Variants in DIAPH3 observed in about 807,000 individuals in gnomAD.
DIAPH3 encodes the protein protein diaphanous homolog 3.
DIAPH3 carries 117 observed loss-of-function variants against 144.3 expected under a neutral mutation model. That is an observed-to-expected ratio of 0.81 (90% CI 0.70 to 0.95). The LOEUF is 0.95. Ranked by LOEUF, DIAPH3 falls within the 40% of genes least tolerant of loss-of-function variation. The pLI is 0.00. For synonymous variants in DIAPH3, 519 were observed against 488.9 expected, an observed-to-expected ratio of 1.06 and a Z score of -0.81; for missense variants, 1,421 against 1,412.7, an observed-to-expected ratio of 1.01 and a Z score of -0.09.
intron 25 of DIAPH3, among the ~76,000 whole-genome samples, chr13:59,800,014 A>G (rs985061419): frequency 1.3e-5 from 1 of 75,534 alleles, no homozygotes; most frequent in African/African-American, 4.1e-5. Context: ...TACTTCAAAA[A>G]GACTTCTTTT....
At chr13:60,043,501 C>T (rs1159603882) in intron 4 of DIAPH3, among the ~76,000 whole-genome samples, 1 of 152,100 alleles carries the variant, frequency 6.6e-6, no homozygotes, top group Non-Finnish European at 1.5e-5. Context: ...CAAAACATAA[C>T]ACACACGTAC....
chr13:59,901,131 T>C (rs2046404122), intron 20 of DIAPH3, among the ~76,000 whole-genome samples: 1 of 152,226 alleles, frequency 6.6e-6, no homozygotes, highest in African/African-American at 2.4e-5. Context: ...CACCCTACTA[T>C]CTGTTTCTCC....
intron 17 of DIAPH3, among the ~76,000 whole-genome samples, chr13:59,948,763 G>A (rs1355503624): frequency 6.6e-6 from 1 of 151,816 alleles, no homozygotes; most frequent in Non-Finnish European, 1.5e-5. Context: ...ACCAGCCCAT[G>A]CTTTAGATTT....
intron 25 of DIAPH3, among the ~76,000 whole-genome samples, chr13:59,775,642 T>C (rs1402463361): frequency 1.3e-5 from 2 of 152,186 alleles, no homozygotes; most frequent in African/African-American, 4.8e-5. Flanking sequence ...TATATTTCCA[T>C]GCTTCCAACA....
intron 20 of DIAPH3, among the ~76,000 whole-genome samples, chr13:59,880,653 T>G (rs547744264): frequency 6.6e-6 from 1 of 152,194 alleles, no homozygotes; most frequent in Non-Finnish European, 1.5e-5. Context: ...CCTTAATGAC[T>G]AAACATAACT....
Position 59,970,682 on chromosome 13 carries a change from T to TA in DIAPH3, c.1959+169dup, listed in dbSNP as rs1208905314. ...ATGAAAGGGATTTGTCCCAATACTT[T>TA]AAAAAAAAAGCTATTTTATTGTCAC... On this transcript the variant is annotated intron_variant, in intron 16 of 27. Transcript: ENST00000400324. Among the ~76,000 whole-genome samples, 516 of 150,762 alleles carry TA rather than the reference T, an allele frequency of 3.4e-3. 2 individuals carry two copies. The highest frequency in any genetic ancestry group is 0.011 in the African/African-American group (463 of 41,202).
intron 27 of DIAPH3, among the ~76,000 whole-genome samples, chr13:59,720,373 A>C (rs2035280380): frequency 1.3e-5 from 2 of 152,156 alleles, no homozygotes; most frequent in African/African-American, 4.8e-5. Flanking sequence ...AAATTCTAAA[A>C]ACTGTAAAAA....
intron 1 of DIAPH3, among the ~76,000 whole-genome samples, chr13:60,163,296 G>T (rs111329464): frequency 2.0e-5 from 3 of 152,192 alleles, no homozygotes; most frequent in African/African-American, 7.2e-5. Context: ...TAGGGAGGAA[G>T]GGAGAACTTC....
intron 9 of DIAPH3, among the ~76,000 whole-genome samples, chr13:59,992,784 G>T (rs1277290072): frequency 6.8e-6 from 1 of 148,120 alleles, no homozygotes; most frequent in African/African-American, 2.5e-5. Flanking sequence ...TTATTTGAGG[G>T]TTACTGAGGT....
chr13:59,957,052 G>A (rs2049449482), intron 17 of DIAPH3, among the ~76,000 whole-genome samples: 1 of 152,142 alleles, frequency 6.6e-6, no homozygotes. Flanking sequence ...TGATTTTACA[G>A]GCTCATAGGT....
intron 3 of DIAPH3, among the ~76,000 whole-genome samples, chr13:60,095,597 T>G (rs1313389341): frequency 6.6e-6 from 1 of 150,668 alleles, no homozygotes; most frequent in Non-Finnish European, 1.5e-5. Flanking sequence ...CATTTGCCAG[T>G]TATTGCTGTT....
At chr13:59,748,666 A>T (rs1451919232) in intron 27 of DIAPH3, among the ~76,000 whole-genome samples, 1 of 152,206 alleles carries the variant, frequency 6.6e-6, no homozygotes, top group Non-Finnish European at 1.5e-5. Context: ...TTCTTCAATC[A>T]GCTGCTGTGA....
At chr13:60,014,072 A>G (rs2053464750) in intron 7 of DIAPH3, among the ~76,000 whole-genome samples, 1 of 152,168 alleles carries the variant, frequency 6.6e-6, no homozygotes. Context: ...TCATTATGAA[A>G]CAAAGTAAGA....
At chr13:59,947,298 A>G (rs2048848951) in intron 17 of DIAPH3, among the ~76,000 whole-genome samples, 1 of 152,198 alleles carries the variant, frequency 6.6e-6, no homozygotes, top group Non-Finnish European at 1.5e-5. Flanking sequence ...CGTGTTGAAT[A>G]GCTTTCAACA....
chr13:59,890,468 C>T (rs2045717377), intron 20 of DIAPH3, among the ~76,000 whole-genome samples: 1 of 151,998 alleles, frequency 6.6e-6, no homozygotes, highest in Admixed American at 6.6e-5. Context: ...CCAGTTTTAT[C>T]ACCGTTAGCA....
At chr13:59,883,579 C>G (rs2045231223) in intron 20 of DIAPH3, among the ~76,000 whole-genome samples, 1 of 152,118 alleles carries the variant, frequency 6.6e-6, no homozygotes, top group South Asian at 2.1e-4. Context: ...AGCATTAGTT[C>G]ATCTACTTTG....
At chr13:59,930,509 T>A (rs537691799) in intron 17 of DIAPH3, among the ~76,000 whole-genome samples, 7 of 151,962 alleles carry the variant, frequency 4.6e-5, no homozygotes, top group African/African-American at 1.7e-4. Flanking sequence ...GACACAACAA[T>A]AGAAGAATAG....
Position 60,016,048 on chromosome 13 carries a change from AAAT to A in DIAPH3, c.701+20_701+22del. The A allele has an allele frequency of 1.2e-6, 2 of 1,611,438 alleles. No homozygotes were observed. The highest frequency in any genetic ancestry group is 1.7e-6 in the Non-Finnish European group (2 of 1,177,992). On this transcript the variant is annotated intron_variant, in intron 6 of 27. Transcript: ENST00000400324. ...GGACATATGAATGATGCTTACTTGAAAATAATTATTAGCAATACTTACATTTTT... is the reference window on the plus strand; with the variant it reads ...GGACATATGAATGATGCTTACTTGAAAATTATTAGCAATACTTACATTTTT...
chr13:59,938,294 T>C (rs951585999), intron 17 of DIAPH3, among the ~76,000 whole-genome samples: 2 of 152,176 alleles, frequency 1.3e-5, no homozygotes, highest in African/African-American at 4.8e-5. Flanking sequence ...CTGGAGCTTG[T>C]GTTGTGTACA....
Sources: allele counts gnomAD v4.1 joint callset (sites outside exome capture counted in the v4.1 genomes callset), GRCh38; gene constraint gnomAD v4.1.1; transcripts MANE v1.5; gene names NCBI Gene and HGNC (gene_info 2026-07-23, HGNC 2026-07-21).